PYROXD2: variants seen among roughly 807,000 people sequenced by gnomAD.
The protein encoded by PYROXD2 is pyridine nucleotide-disulphide oxidoreductase domain 2.
Under a neutral mutation model 71.1 loss-of-function variants are expected in PYROXD2, and 69 were observed. The ratio of observed to expected loss-of-function variants is 0.97; its 90% CI spans 0.80 to 1.19. The LOEUF is 1.19. PYROXD2 is among the 50% of genes most tolerant of loss of function. The pLI is 0.00. For missense variants in PYROXD2, 745 were observed against 748.9 expected, an observed-to-expected ratio of 0.99 and a Z score of 0.06; for synonymous variants, 287 against 302.7, an observed-to-expected ratio of 0.95 and a Z score of 0.54.
In PYROXD2 at chr10:98,410,122, T is replaced by A. The variant is rs1049824828; in HGVS notation, c.147+817A>T. 1.9e-4 allele frequency among the ~76,000 whole-genome samples: 29 copies of A among 152,170 alleles called. 1 individual carries two copies. The highest frequency in any genetic ancestry group is 1.5e-3 in the Admixed American group (23 of 15,276). On this transcript the variant is annotated intron_variant, in intron 2 of 15. Coordinates refer to ENST00000370575, the MANE Select transcript of PYROXD2 (RefSeq NM_032709.3). ...ATAAAATAAAATAAATGTTTTAAAT[T>A]ACTGATCCATTGAGTTACAAAATGC...
chr10:98,390,540 C>G (rs1449828494), intron 12 of PYROXD2, 58 bp downstream of exon 12: 8 of 1,504,902 alleles, frequency 5.3e-6, no homozygotes, highest in Non-Finnish European at 6.2e-6. Flanking sequence ...CATGGACAGC[C>G]CCGCCTCCCA....
intron 5 of PYROXD2, 56 bp from the exon 6 acceptor site, chr10:98,397,554 G>A (rs1187290926): frequency 2.2e-5 from 32 of 1,482,734 alleles, no homozygotes; most frequent in Non-Finnish European, 2.9e-5. Flanking sequence ...CCTCCATGCT[G>A]TCCCCAGATG....
chr10:98,412,543 C>T (rs2136042571), intron 1 of PYROXD2, among the ~76,000 whole-genome samples: 1 of 130,268 alleles, frequency 7.7e-6, no homozygotes, highest in Middle Eastern at 3.8e-3. Context: ...CAGGAATCTC[C>T]ATTTTAACAA....
intron 12 of PYROXD2, among the ~76,000 whole-genome samples, chr10:98,389,621 C>G (rs1378505503): frequency 6.6e-6 from 1 of 152,226 alleles, no homozygotes; most frequent in East Asian, 1.9e-4. Flanking sequence ...AGGGCCTTTG[C>G]ACCTGACCTT....
chr10:98,391,064 A>G lies in PYROXD2; in HGVS notation c.1081T>C (p.Phe361Leu). The G allele has an allele frequency of 6.2e-7, 1 of 1,612,480 alleles. No individual in the cohort carries two copies. Among genetic ancestry groups the G allele is most frequent in the Admixed American group, 1.7e-5 (1 of 59,990 alleles). ...LTPQEWLPEE[F>L]LERISQLDTR... ...TCCAGCTGAGAGATTCTCTCCAGGA[A>G]CTCCTCAGGAAGCCACTCCTGGAAG... The change falls in exon 11 of 16, where the codon TTC becomes CTC. Residue 361 changes from phenylalanine to leucine, a missense_variant. Physicochemically the swap from Phe to Leu is conservative, Grantham distance 22 (BLOSUM62 0). Coordinates refer to ENST00000370575, the MANE Select transcript of PYROXD2 (RefSeq NM_032709.3).
intron 1 of PYROXD2, chr10:98,414,063 AT>A (rs1843881564): frequency 6.6e-6 from 1 of 150,426 alleles, no homozygotes; most frequent in Non-Finnish European, 1.5e-5. Flanking sequence ...ACACATATAC[AT>A]ATATATACAC....
In PYROXD2 at chr10:98,383,788, T is replaced by C; in HGVS notation, c.*10A>G. 1 of 1,612,948 alleles carries C rather than the reference T, an allele frequency of 6.2e-7. No individual in the cohort carries two copies. ...TGGAGTCTTCTTCCTGGGTCAGAGC[T>C]GGTTCAGGGTCACATGCTCTTGAGG... On this transcript the variant is annotated 3_prime_UTR_variant, in exon 16 of 16. Coordinates refer to ENST00000370575, the MANE Select transcript of PYROXD2 (RefSeq NM_032709.3).
At position 98,397,437 on chromosome 10, in the gene PYROXD2, T is replaced by A; in HGVS notation, c.533A>T (p.Asp178Val). 1 of 1,613,488 alleles carries A rather than the reference T, an allele frequency of 6.2e-7. No homozygotes were observed. Among genetic ancestry groups the A allele is most frequent in the South Asian group, 1.1e-5 (1 of 90,944 alleles). The change falls in exon 6 of 16, where the codon GAT becomes GTT. Residue 178 changes from aspartate to valine, a missense_variant. Asp to Val is a radical substitution (Grantham distance 152, BLOSUM62 -3). Coordinates refer to ENST00000370575, the MANE Select transcript of PYROXD2 (RefSeq NM_032709.3). ...RLALAIDPLLDAAPVDMAAFQ... is the reference protein window; with the variant it reads ...RLALAIDPLLVAAPVDMAAFQ... ...GGCCGCCATGTCCACGGGGGCCGCA[T>A]CCAGCAGAGGGTCAATGGCTAATGC...
In PYROXD2 at chr10:98,394,543, AACACACACACACACAC is replaced by A. The variant is rs58461142; in HGVS notation, c.785+637_785+652del. ...AACCCTTGGCTGCATTCTCCATCCC[AACACACACACACACAC>A]ACACACACACACACACACACAGCCT... On this transcript the variant is annotated intron_variant, in intron 8 of 15. Transcript: ENST00000370575. 4.2e-5 allele frequency among the ~76,000 whole-genome samples: 6 copies of A among 141,910 alleles called. No homozygotes were observed. In the East Asian group the frequency reaches 1.3e-3, roughly 30 times the overall value. The allele number at this position is 141,910 out of a possible 152,430, so 93.1% of individuals were successfully genotyped here.
rs1448306108 is a variant in PYROXD2 at position 98,388,467 on chromosome 10, G to C, written c.1334C>G (p.Thr445Ser). Residue 445 changes from threonine to serine, a missense_variant, in exon 13 of 16, where the codon ACC becomes AGC. Transcript: ENST00000370575. ...ELCIPSSLDP[T>S]LAPPGCHVVS... is the part of the protein sequence containing the mutation. The stretch of plus-strand genomic sequence containing the variant: ...TACATGGCAGCCAGGGGGAGCCAGG[G>C]TGGGGTCCAGCGAGGAAGGGATGCA... The C allele has an allele frequency of 6.2e-7, 1 of 1,612,558 alleles. No individual in the cohort carries two copies. Among genetic ancestry groups the C allele is most frequent in the Admixed American group, 1.7e-5 (1 of 59,814 alleles).
chr10:98,394,248 G>A (rs1212996750), intron 8 of PYROXD2, among the ~76,000 whole-genome samples: 2 of 152,186 alleles, frequency 1.3e-5, no homozygotes, highest in African/African-American at 4.8e-5. Flanking sequence ...CACAAACGGA[G>A]CACTGGTTAA....
At chr10:98,386,164 C>A (rs1268561076) in intron 14 of PYROXD2, among the ~76,000 whole-genome samples, 1 of 151,672 alleles carries the variant, frequency 6.6e-6, no homozygotes. Context: ...GTAGGCCCAG[C>A]TACTCAGGAG....
chr10:98,395,873 C>T (rs1279586088), intron 6 of PYROXD2, among the ~76,000 whole-genome samples: 1 of 152,160 alleles, frequency 6.6e-6, no homozygotes, highest in African/African-American at 2.4e-5. Context: ...CATGGCTGAT[C>T]CATTCCTATG....
At chr10:98,397,613 C>A in intron 5 of PYROXD2, 115 bp from the exon 6 acceptor site, 9 of 1,308,396 alleles carry the variant, frequency 6.9e-6, no homozygotes, top group Non-Finnish European at 8.0e-6. Context: ...TCATTCCCCG[C>A]TGTGGCCCAG....
chr10:98,403,957 A>G (rs1277406079), intron 4 of PYROXD2, among the ~76,000 whole-genome samples: 3 of 152,242 alleles, frequency 2.0e-5, no homozygotes, highest in Non-Finnish European at 4.4e-5. Flanking sequence ...AAGTTATTTT[A>G]AGTATAACTA....
intron 5 of PYROXD2, among the ~76,000 whole-genome samples, chr10:98,398,488 A>T (rs1843276570): frequency 1.3e-5 from 2 of 152,208 alleles, no homozygotes; most frequent in African/African-American, 2.4e-5. Flanking sequence ...TACCCATGGC[A>T]TTTTAATAAG....
intron 2 of PYROXD2, chr10:98,410,679 C>T (rs1843753882): frequency 3.8e-6 from 2 of 523,722 alleles, no homozygotes; most frequent in East Asian, 6.4e-5. Context: ...AGCTCCCTGA[C>T]TCCCTCACAG....
rs147666574 is a variant in PYROXD2, at chr10:98,406,675, C to T, written c.315+907G>A. Among the ~76,000 whole-genome samples, 16 of 151,914 alleles carry T rather than the reference C, an allele frequency of 1.1e-4. No individual in the cohort carries two copies. In the East Asian group the frequency reaches 1.6e-3, roughly 15 times the overall value. On this transcript the variant is annotated intron_variant, in intron 4 of 15. Transcript: ENST00000370575. ...TTGAGAGGCTGAGGCAGGTGGATCACGAGATCAGGAGATCAAGACCATCCC... is the reference window on the plus strand; with the variant it reads ...TTGAGAGGCTGAGGCAGGTGGATCATGAGATCAGGAGATCAAGACCATCCC...
chr10:98,391,853 C>T (rs190348454), intron 10 of PYROXD2, among the ~76,000 whole-genome samples: 12 of 152,214 alleles, frequency 7.9e-5, no homozygotes, highest in East Asian at 5.8e-4. Context: ...CCAGCAGAAA[C>T]GGTCCTGGAC....
Sources: allele counts gnomAD v4.1 joint callset (sites outside exome capture counted in the v4.1 genomes callset), GRCh38; gene constraint gnomAD v4.1.1; transcripts MANE v1.5; gene names NCBI Gene and HGNC (gene_info 2026-07-23, HGNC 2026-07-21).